Variants in DCC observed in about 807,000 individuals in gnomAD.
DCC encodes the protein DCC netrin 1 receptor.
In DCC, 58 loss-of-function variants were observed where a neutral mutation model predicts 172.5. That is an observed-to-expected ratio of 0.34 (90% CI 0.27 to 0.42). The LOEUF (loss-of-function observed/expected upper bound fraction) is 0.42, where lower values mean the gene tolerates loss of function less well. DCC is among the 10% of genes least tolerant of loss of function. The pLI is 1.00. For synonymous variants in DCC, 709 were observed against 644.5 expected (o/e 1.10, Z -1.52); for missense variants, 1,740 against 1,791.0 (o/e 0.97, Z 0.51).
At chr18:52,852,577 A>G (rs1250102477) in intron 2 of DCC, among the ~76,000 whole-genome samples, 1 of 151,702 alleles carries the variant, frequency 6.6e-6, no homozygotes, top group Admixed American at 6.6e-5. Flanking sequence ...TTGATTATGT[A>G]TCAAACCCAG....
At chr18:52,827,945 G>C (rs1456916478) in intron 2 of DCC, among the ~76,000 whole-genome samples, 1 of 152,056 alleles carries the variant, frequency 6.6e-6, no homozygotes, top group Non-Finnish European at 1.5e-5. Flanking sequence ...TGTTCATTGA[G>C]TTGAAATTTA....
At chr18:53,016,834 C>T (rs1227053354) in intron 5 of DCC, among the ~76,000 whole-genome samples, 1 of 151,548 alleles carries the variant, frequency 6.6e-6, no homozygotes, top group East Asian at 1.9e-4. Flanking sequence ...TACAGCTTAT[C>T]AGCAACTAGA....
chr18:52,427,534 G>T (rs555845090), intron 1 of DCC, among the ~76,000 whole-genome samples: 1 of 152,130 alleles, frequency 6.6e-6, no homozygotes, highest in Admixed American at 6.6e-5. Context: ...ACAAAGCAGA[G>T]GGTGTGCGAC....
chr18:53,214,551 A>G (rs1267948677), intron 11 of DCC, among the ~76,000 whole-genome samples: 1 of 152,182 alleles, frequency 6.6e-6, no homozygotes, highest in Non-Finnish European at 1.5e-5. Context: ...AAGGGGAAAG[A>G]TGTCAAAAAT....
At chr18:52,805,432 A>G (rs2038067797) in intron 2 of DCC, among the ~76,000 whole-genome samples, 1 of 152,174 alleles carries the variant, frequency 6.6e-6, no homozygotes, top group Non-Finnish European at 1.5e-5. Context: ...AAAAAATTAT[A>G]TGAATTTTTG....
intron 1 of DCC, among the ~76,000 whole-genome samples, chr18:52,537,227 A>G (rs2032314471): frequency 6.6e-6 from 1 of 152,178 alleles, no homozygotes; most frequent in African/African-American, 2.4e-5. Flanking sequence ...GCTTCAGGAA[A>G]TAAATAAATA....
At position 52,691,214 on chromosome 18, in the gene DCC, C is replaced by T. The variant is rs555344900; in HGVS notation, c.92-60840C>T. Among the ~76,000 whole-genome samples, 382 of 152,144 alleles carry T rather than the reference C, an allele frequency of 2.5e-3. 1 individual carries two copies. The highest frequency in any genetic ancestry group is 3.9e-3 in the Non-Finnish European group (266 of 67,986). ...GATACATTTAAGAGGTGTTTCTTGG[C>T]TTAGAGGTGGGATGGGGAGATTCAA... On this transcript the variant is annotated intron_variant, in intron 1 of 28. Coordinates refer to ENST00000442544, the MANE Select transcript of DCC (RefSeq NM_005215.4).
intron 13 of DCC, among the ~76,000 whole-genome samples, chr18:53,321,770 A>G (rs1387876395): frequency 1.3e-5 from 2 of 152,192 alleles, no homozygotes; most frequent in Non-Finnish European, 2.9e-5. Context: ...TTATTTCTTC[A>G]TCATTTATAT....
At chr18:53,179,877 G>A (rs10775504) in intron 9 of DCC, among the ~76,000 whole-genome samples, 74,414 of 149,724 alleles carry the variant, frequency 0.5, 18,926 homozygotes, top group South Asian at 0.72. Flanking sequence ...ATTAAAAAAC[G>A]ATTGGAATTT....
At chr18:52,906,449 TTTA>T in intron 3 of DCC, 121 bp downstream of exon 3, 4 of 1,077,470 alleles carry the variant, frequency 3.7e-6, no homozygotes, top group Non-Finnish European at 5.5e-6. Flanking sequence ...TTGCGTTTTG[TTTA>T]TTATTTCTTT....
At chr18:52,433,136 G>C (rs1180457039) in intron 1 of DCC, among the ~76,000 whole-genome samples, 1 of 151,998 alleles carries the variant, frequency 6.6e-6, no homozygotes, top group African/African-American at 2.4e-5. Context: ...ATTTAACCAG[G>C]TATTTGAGAG....
At position 52,424,794 on chromosome 18, in the gene DCC, G is replaced by A. The variant is rs146460838; in HGVS notation, c.91+83916G>A. On this transcript the variant is annotated intron_variant, in intron 1 of 28. Coordinates refer to ENST00000442544, the MANE Select transcript of DCC (RefSeq NM_005215.4). ...CAGATTATCTGCATGGGGTTCAGAC[G>A]ATGCCAGTCAGTGGGTAACTTCCTT... 1.5e-3 allele frequency among the ~76,000 whole-genome samples: 229 copies of A among 152,280 alleles called. 1 individual carries two copies. Among genetic ancestry groups the A allele is most frequent in the African/African-American group, 5.0e-3 (209 of 41,580 alleles).
At chr18:53,310,215 A>T (rs984926705) in intron 13 of DCC, among the ~76,000 whole-genome samples, 1 of 152,034 alleles carries the variant, frequency 6.6e-6, no homozygotes, top group African/African-American at 2.4e-5. Flanking sequence ...TGGTTTAGAC[A>T]TGTCCCCAGG....
At chr18:53,266,615 C>A (rs75353577) in intron 12 of DCC, among the ~76,000 whole-genome samples, 1 of 151,880 alleles carries the variant, frequency 6.6e-6, no homozygotes, top group Non-Finnish European at 1.5e-5. Flanking sequence ...TTTTAGTATA[C>A]TCATAGAATT....
intron 15 of DCC, among the ~76,000 whole-genome samples, chr18:53,362,588 T>G (rs2057959664): frequency 6.6e-6 from 1 of 152,180 alleles, no homozygotes; most frequent in Non-Finnish European, 1.5e-5. Flanking sequence ...AGGATGAAGT[T>G]ATTTTTAAAG....
At chr18:52,956,940 T>G (rs2040754516) in intron 5 of DCC, among the ~76,000 whole-genome samples, 1 of 152,142 alleles carries the variant, frequency 6.6e-6, no homozygotes, top group Non-Finnish European at 1.5e-5. Context: ...GAGTTCAATT[T>G]GTCAATAGCA....
At chr18:53,403,082 A>G (rs1457564244) in intron 19 of DCC, among the ~76,000 whole-genome samples, 189 bp downstream of exon 19, 10 of 19,998 alleles carry the variant, frequency 5.0e-4, no homozygotes, top group East Asian at 3.0e-3. Flanking sequence ...GTGCACACAC[A>G]CACACACACA....
At chr18:53,008,907 A>G (rs1335723906) in intron 5 of DCC, among the ~76,000 whole-genome samples, 1 of 152,000 alleles carries the variant, frequency 6.6e-6, no homozygotes, top group Non-Finnish European at 1.5e-5. Flanking sequence ...AATAGTGTAT[A>G]TTAAAACTCA....
At chr18:53,410,007 T>A (rs1245432204) in intron 19 of DCC, among the ~76,000 whole-genome samples, 4 of 152,222 alleles carry the variant, frequency 2.6e-5, no homozygotes, top group Non-Finnish European at 4.4e-5. Flanking sequence ...TTATTTATAT[T>A]ACACTTTAAA....
Sources: gnomAD v4.1 joint callset for allele counts (sites outside exome capture counted in the v4.1 genomes callset) on GRCh38, gnomAD v4.1.1 for gene constraint, MANE v1.5 for transcripts, NCBI Gene and HGNC (gene_info 2026-07-23, HGNC 2026-07-21) for gene names.